DPP6: variants seen among roughly 807,000 people sequenced by gnomAD.
The protein encoded by DPP6 is A-type potassium channel modulatory protein DPP6.
A neutral mutation model predicts 122.6 loss-of-function variants in DPP6; 69 were observed. That is an observed-to-expected ratio of 0.56 (90% CI 0.46 to 0.69). The LOEUF is 0.69. Ranked by LOEUF, DPP6 falls within the 30% of genes least tolerant of loss-of-function variation. DPP6 has a pLI of 0.00. For synonymous variants in DPP6, 418 were observed against 433.1 expected (o/e 0.97, Z 0.43); for missense variants, 928 against 1,116.9 (o/e 0.83, Z 2.41).
chr7:153,849,051 C>T, the DPP6 span, among the ~76,000 whole-genome samples: 1 of 151,878 alleles, frequency 6.6e-6, no homozygotes, highest in African/African-American at 2.4e-5. Flanking sequence ...AGTTCCCTAC[C>T]CCTAGGGAAA....
the DPP6 span, among the ~76,000 whole-genome samples, chr7:153,840,843 G>A: frequency 1.2e-4 from 18 of 152,240 alleles, no homozygotes; most frequent in East Asian, 9.6e-4. Context: ...AATAATAGAC[G>A]TTTCCTTCCA....
chr7:153,837,944 G>A, the DPP6 span, among the ~76,000 whole-genome samples: 1 of 149,858 alleles, frequency 6.7e-6, no homozygotes, highest in Non-Finnish European at 1.5e-5. Context: ...AAAGTGCCGG[G>A]ATTACAGGTG....
intron 5 of DPP6, among the ~76,000 whole-genome samples, chr7:154,598,581 C>G (rs1586709994): frequency 6.6e-6 from 1 of 152,194 alleles, no homozygotes; most frequent in South Asian, 2.1e-4. Flanking sequence ...GTCTGTTAGA[C>G]AAAAGGCTGC....
In DPP6 at chr7:154,265,998, C is replaced by A. The variant is rs139403914; in HGVS notation, c.244-180216C>A. Among the ~76,000 whole-genome samples, 762 of 152,288 alleles carry A rather than the reference C, an allele frequency of 5.0e-3. 4 individuals are homozygous for A. The highest frequency in any genetic ancestry group is 9.0e-3 in the Non-Finnish European group (609 of 68,024). On this transcript the variant is annotated intron_variant, in intron 1 of 25. Transcript: ENST00000377770. ...ATGTGAGGTAAGCATCTGGAACTAG[C>A]AAACCATGGTGAGACATTGTAGACT...
At chr7:154,644,968 C>T (rs1460697411) in intron 6 of DPP6, among the ~76,000 whole-genome samples, 2 of 151,912 alleles carry the variant, frequency 1.3e-5, no homozygotes, top group Non-Finnish European at 1.5e-5. Context: ...GCCTTGGCCT[C>T]CCAATAAAAT....
intron 1 of DPP6, among the ~76,000 whole-genome samples, chr7:154,314,605 G>A (rs1024569263): frequency 2.0e-5 from 3 of 152,340 alleles, no homozygotes; most frequent in Admixed American, 1.3e-4. Flanking sequence ...CAGAGCCCCA[G>A]GGCATGGGGG....
intron 2 of DPP6, among the ~76,000 whole-genome samples, chr7:154,450,337 G>A (rs1185343030): frequency 6.6e-6 from 1 of 152,076 alleles, no homozygotes; most frequent in Non-Finnish European, 1.5e-5. Flanking sequence ...ATTTGATAGT[G>A]GTGATACATG....
In DPP6 at chr7:154,803,902, C is replaced by T. The variant is rs753202667; in HGVS notation, c.1446C>T (p.Ser482=). 2.2e-5 allele frequency: 35 copies of T among 1,613,782 alleles called. No individual in the cohort carries two copies. The highest frequency in any genetic ancestry group is 1.1e-4 in the East Asian group (5 of 44,898). Residue 482 remains serine, a synonymous_variant, in exon 14 of 26, where the codon TCC becomes TCT. Coordinates refer to ENST00000377770, the MANE Select transcript of DPP6 (RefSeq NM_130797.4). ...ACGACAACATCCAGTCCATCACCTC[C>T]GGGGACTGGGACGTGACCAAGATCC... ...SSNDNIQSIT[S]GDWDVTKILA...
chr7:154,456,636 G>A (rs1820854266), intron 2 of DPP6, among the ~76,000 whole-genome samples: 1 of 152,096 alleles, frequency 6.6e-6, no homozygotes, highest in Non-Finnish European at 1.5e-5. Flanking sequence ...ATGGCCAAAA[G>A]GGGGCCTTTT....
At chr7:154,115,665 G>T (rs1047434182) in intron 1 of DPP6, among the ~76,000 whole-genome samples, 5 of 152,162 alleles carry the variant, frequency 3.3e-5, no homozygotes, top group Non-Finnish European at 7.3e-5. Context: ...TGTGTCCATT[G>T]TAGTGGGAAG....
intron 3 of DPP6, among the ~76,000 whole-genome samples, chr7:154,479,580 GAAAAGA>G: frequency 7.1e-6 from 1 of 141,824 alleles, no homozygotes; most frequent in South Asian, 2.2e-4. Context: ...AAAAAGAAAA[GAAAAGA>G]AAAAGAAAAG....
chr7:153,755,981 G>GC, the DPP6 span, among the ~76,000 whole-genome samples: 3 of 152,134 alleles, frequency 2.0e-5, no homozygotes, highest in Non-Finnish European at 4.4e-5. Flanking sequence ...TCCTTTTCCT[G>GC]CCCCTTTTCT....
chr7:154,148,158 G>A (rs867671867), intron 1 of DPP6, among the ~76,000 whole-genome samples: 3,624 of 141,000 alleles, frequency 0.026, 59 homozygotes, highest in African/African-American at 0.1. Flanking sequence ...AGTCTGAAGG[G>A]AGTCACCTCC....
At chr7:154,771,839 T>A (rs1240018494) in intron 9 of DPP6, among the ~76,000 whole-genome samples, 1 of 152,222 alleles carries the variant, frequency 6.6e-6, no homozygotes, top group East Asian at 1.9e-4. Flanking sequence ...AGCATTTTAG[T>A]TGGAAGCATA....
At chr7:154,302,186 C>T (rs187597348) in intron 1 of DPP6, among the ~76,000 whole-genome samples, 1 of 152,196 alleles carries the variant, frequency 6.6e-6, no homozygotes, top group Admixed American at 6.5e-5. Flanking sequence ...CCTCACCTCC[C>T]GCTCCCACCA....
intron 1 of DPP6, among the ~76,000 whole-genome samples, chr7:154,374,619 C>CT (rs750521010): frequency 7.1e-4 from 32 of 44,876 alleles, no homozygotes; most frequent in Admixed American, 2.4e-3. Context: ...TTCTTTTTTT[C>CT]TTTTTTTTTG....
chr7:154,568,309 T>G (rs1201542836), intron 5 of DPP6, among the ~76,000 whole-genome samples: 1 of 152,252 alleles, frequency 6.6e-6, no homozygotes, highest in Non-Finnish European at 1.5e-5. Context: ...ATGGATGTGT[T>G]CTGGTTTGCC....
intron 16 of DPP6, among the ~76,000 whole-genome samples, chr7:154,853,325 T>C (rs760634544): frequency 3.9e-5 from 6 of 152,026 alleles, no homozygotes; most frequent in Non-Finnish European, 8.8e-5. Flanking sequence ...GTTACATGAA[T>C]ACGTTTTTAC....
At chr7:154,102,117 G>A (rs1242716856) in intron 1 of DPP6, among the ~76,000 whole-genome samples, 2 of 152,010 alleles carry the variant, frequency 1.3e-5, no homozygotes, top group Admixed American at 1.3e-4. Flanking sequence ...AGATTGTCAG[G>A]ACTTTGAGGC....
Sources: allele counts gnomAD v4.1 joint callset (sites outside exome capture counted in the v4.1 genomes callset), GRCh38; gene constraint gnomAD v4.1.1; transcripts MANE v1.5; gene names NCBI Gene and HGNC (gene_info 2026-07-23, HGNC 2026-07-21).